The following DIAPH2 variants were observed in gnomAD, a reference collection of about 807,000 sequenced individuals.
DIAPH2 encodes diaphanous related formin 2, also known as protein diaphanous homolog 2.
A neutral mutation model predicts 92.7 loss-of-function variants in DIAPH2; 35 were observed. The ratio of observed to expected loss-of-function variants is 0.38; its 90% CI spans 0.29 to 0.50. DIAPH2 has a LOEUF of 0.50. Ranked by LOEUF, DIAPH2 falls within the 20% of genes least tolerant of loss-of-function variation. DIAPH2 has a pLI of 0.94. For synonymous variants in DIAPH2, 301 were observed against 280.4 expected (o/e 1.07, Z -0.73); for missense variants, 701 against 819.5 (o/e 0.86, Z 1.77).
At position 97,024,955 on chromosome X, in the gene DIAPH2, A is replaced by G. The variant is rs147788439; in HGVS notation, c.2051-47986A>G. Among the ~76,000 whole-genome samples the G allele has an allele frequency of 4.5e-3, 508 of 111,908 alleles. 2 individuals are homozygous for G. The highest frequency in any genetic ancestry group is 6.6e-3 in the Non-Finnish European group (350 of 53,161). On this transcript the variant is annotated intron_variant, in intron 17 of 26. Coordinates refer to ENST00000324765, the MANE Select transcript of DIAPH2 (RefSeq NM_006729.5). ...TGTTGTTATTCCTGAGAAAATCGATATATCACTGTATTGGAAACGTTTGCT... is the reference window on the plus strand; with the variant it reads ...TGTTGTTATTCCTGAGAAAATCGATGTATCACTGTATTGGAAACGTTTGCT...
intron 26 of DIAPH2, among the ~76,000 whole-genome samples, chrX:97,564,077 G>C (rs1404783266): frequency 8.9e-6 from 1 of 111,945 alleles, no homozygotes; most frequent in Non-Finnish European, 1.9e-5. Flanking sequence ...AAAATTCCCT[G>C]TTATGAAAGA....
At position 96,918,528 on chromosome X, in the gene DIAPH2, G is replaced by A; in HGVS notation, c.889G>A (p.Ala297Thr). The A allele has an allele frequency of 8.3e-7, 1 of 1,201,090 alleles. No homozygotes were observed. Among genetic ancestry groups the A allele is most frequent in the South Asian group, 1.8e-5 (1 of 55,714 alleles). ...EENILDKLLG[A>T]ITTAAERNNR... Reference sequence around the variant, plus strand: ...CTACAGTCTAGATAAACTTTTAGGGGCTATAACAACAGCAGCAGAAAGAAA... The same window carrying A: ...CTACAGTCTAGATAAACTTTTAGGGACTATAACAACAGCAGCAGAAAGAAA... The change falls in exon 9 of 27, where the codon GCT (alanine) becomes ACT (threonine). Residue 297 changes from alanine (A) to threonine (T), a missense_variant. By Grantham distance (58) the Ala-to-Thr change is moderately conservative. This residue lies in a region of DIAPH2 where 536 missense variants were observed against 599.3 expected (regional missense o/e 0.89). Transcript: ENST00000324765.
chrX:97,363,623 G>T (rs1319688447), intron 24 of DIAPH2, among the ~76,000 whole-genome samples: 2 of 89,181 alleles, frequency 2.2e-5, no homozygotes, highest in African/African-American at 8.8e-5. Flanking sequence ...CCGATATCAC[G>T]CCACTGCACT....
intron 1 of DIAPH2, among the ~76,000 whole-genome samples, chrX:96,733,704 G>A (rs188856193): frequency 1.8e-5 from 2 of 111,746 alleles, no homozygotes; most frequent in East Asian, 2.8e-4. Flanking sequence ...GATAGATTAG[G>A]AAGTCACTAC....
At chrX:97,327,852 A>G (rs2068965395) in intron 23 of DIAPH2, among the ~76,000 whole-genome samples, 1 of 112,746 alleles carries the variant, frequency 8.9e-6, no homozygotes, top group Admixed American at 9.4e-5. Flanking sequence ...CTAGGATTAC[A>G]GGCGTGAGCC....
At position 97,604,884 on chromosome X, in the gene DIAPH2, G is replaced by T. The variant is rs1433698589; in HGVS notation, c.*5567G>T. 8.9e-6 allele frequency: 1 copy of T among 112,216 alleles called. No individual in the cohort carries two copies. Among genetic ancestry groups the T allele is most frequent in the Non-Finnish European group, 1.9e-5 (1 of 53,285 alleles). The allele number at this position is 112,216 out of a possible 1,213,427, so 9.2% of individuals were successfully genotyped here. On this transcript the variant is annotated 3_prime_UTR_variant, in exon 27 of 27. Transcript: ENST00000324765. ...TCACTTGCAGTAGAACTGTGGATTT[G>T]TGCTGTCATTTCACCTTGGAATAAA...
At chrX:96,733,911 A>G (rs2064070945) in intron 1 of DIAPH2, among the ~76,000 whole-genome samples, 1 of 111,892 alleles carries the variant, frequency 8.9e-6, no homozygotes, top group South Asian at 3.8e-4. Flanking sequence ...TTGTAAAATG[A>G]GAGGCTTTGA....
intron 22 of DIAPH2, among the ~76,000 whole-genome samples, chrX:97,181,535 C>T (rs768374468): frequency 7.2e-5 from 8 of 111,782 alleles, no homozygotes; most frequent in African/African-American, 2.6e-4. Context: ...CCTCAGCCTC[C>T]GGAGTAGCTG....
At chrX:96,946,333 T>C (rs763185286) in intron 14 of DIAPH2, among the ~76,000 whole-genome samples, 1 of 111,657 alleles carries the variant, frequency 9.0e-6, no homozygotes, top group African/African-American at 3.2e-5. Flanking sequence ...ATAGTATTTC[T>C]GTCCTGTTGT....
At chrX:97,163,843 G>C (rs947737133) in intron 22 of DIAPH2, among the ~76,000 whole-genome samples, 1 of 112,171 alleles carries the variant, frequency 8.9e-6, no homozygotes, top group Non-Finnish European at 1.9e-5. Context: ...CTGGCCCCTA[G>C]GAATTTGCCA....
intron 26 of DIAPH2, among the ~76,000 whole-genome samples, chrX:97,476,984 TAC>T (rs1190615516): frequency 0.02 from 1,112 of 56,912 alleles, 85 homozygotes; most frequent in African/African-American, 0.043. Context: ...TATATATATA[TAC>T]ACACACACAC....
At chrX:97,164,782 G>A (rs2067399769) in intron 22 of DIAPH2, among the ~76,000 whole-genome samples, 1 of 111,831 alleles carries the variant, frequency 8.9e-6, no homozygotes, top group Admixed American at 9.5e-5. Context: ...TTTGAAACAT[G>A]AACGATGGGT....
intron 17 of DIAPH2, among the ~76,000 whole-genome samples, chrX:97,061,287 A>G (rs2066595637): frequency 8.9e-6 from 1 of 112,021 alleles, no homozygotes; most frequent in Non-Finnish European, 1.9e-5. Flanking sequence ...AAATGACTAC[A>G]TGGTGTCCAA....
chrX:96,966,970 A>C (rs1284697455), intron 17 of DIAPH2, among the ~76,000 whole-genome samples: 3 of 112,068 alleles, frequency 2.7e-5, no homozygotes, highest in Non-Finnish European at 5.6e-5. Context: ...CTTTTTGAAT[A>C]TGGAGTGAGA....
chrX:97,085,991 G>C lies in DIAPH2; in HGVS notation c.2247+10730G>C, dbSNP rs778816226. The stretch of plus-strand genomic sequence containing the variant: ...AACCTATAGAGGTATCACTTTACAG[G>C]AAAGACCGTAAGCAGGATTCCCTCC... On this transcript the variant is annotated intron_variant, in intron 19 of 26. Transcript: ENST00000324765. Among the ~76,000 whole-genome samples, 108 of 111,508 alleles carry C rather than the reference G, an allele frequency of 9.7e-4. 1 individual carries two copies. Among genetic ancestry groups the C allele is most frequent in the African/African-American group, 3.5e-3 (106 of 30,692 alleles).
intron 26 of DIAPH2, among the ~76,000 whole-genome samples, chrX:97,438,355 GTTTGT>G (rs2070213844): frequency 2.4e-5 from 1 of 41,840 alleles, no homozygotes; most frequent in Non-Finnish European, 4.4e-5. Context: ...TTTTTTGTTT[GTTTGT>G]TTTTTTTTTT....
chrX:96,814,483 C>T (rs1232385244), intron 4 of DIAPH2, among the ~76,000 whole-genome samples: 3 of 111,876 alleles, frequency 2.7e-5, no homozygotes, highest in African/African-American at 9.8e-5. Context: ...CTTCCTTTAG[C>T]TCGGAGAAGT....
At chrX:97,210,236 A>G (rs2067829522) in intron 22 of DIAPH2, among the ~76,000 whole-genome samples, 1 of 112,125 alleles carries the variant, frequency 8.9e-6, no homozygotes, top group South Asian at 3.7e-4. Context: ...ACTACTGTTG[A>G]CACACTTGAC....
At chrX:96,919,798 G>A (rs1301684632) in intron 9 of DIAPH2, among the ~76,000 whole-genome samples, 2 of 110,956 alleles carry the variant, frequency 1.8e-5, no homozygotes, top group South Asian at 3.7e-4. Flanking sequence ...TGTTAATCAT[G>A]ACTTCTACTC....
Sources: gnomAD v4.1 joint callset for allele counts (sites outside exome capture counted in the v4.1 genomes callset) on GRCh38, gnomAD v4.1.1 for gene constraint, gnomAD v4.1.1 regional missense constraint, MANE v1.5 for transcripts, NCBI Gene and HGNC (gene_info 2026-07-23, HGNC 2026-07-21) for gene names.